Variants in IL3RA observed in about 807,000 individuals in gnomAD.
The protein encoded by IL3RA is interleukin 3 receptor subunit alpha.
Under a neutral mutation model 52.3 loss-of-function variants are expected in IL3RA, and 73 were observed. That is an observed-to-expected ratio of 1.40 (90% CI 1.16 to 1.70). The LOEUF is 1.70. Among genes scored for constraint, IL3RA ranks in the 40% most tolerant of loss-of-function variants. IL3RA has a pLI of 0.00. For missense variants in IL3RA, 664 were observed against 504.4 expected, an observed-to-expected ratio of 1.32 and a Z score of -3.03; for synonymous variants, 260 against 194.0, an observed-to-expected ratio of 1.34 and a Z score of -2.83.
In IL3RA at chrX:1,378,583, C is replaced by A. The variant is rs1411429912; in HGVS notation, c.875-76C>A. The A allele has an allele frequency of 1.0e-5, 13 of 1,272,754 alleles. No homozygotes were observed. In the African/African-American group the frequency reaches 1.5e-4, roughly 14 times the overall value. 78.8% of individuals were successfully genotyped at this position (1,272,754 alleles called of 1,614,324 possible). On this transcript the variant is annotated intron_variant, in intron 9 of 11. Transcript: ENST00000331035. ...GCAGCCACCTCTCTGCTTCCCAGGG[C>A]CCCGGGGAGAGCTTACAGTCCCTGG...
At position 1,352,182 on chromosome X, in the gene IL3RA, C is replaced by T. The variant is rs2086119325; in HGVS notation, c.381C>T (p.Gly127=). ...VDFLSCSWAV[G]PGAPADVQYD... is the part of the protein sequence containing the mutation. ...TCTTGAGCTGCAGCTGGGCGGTAGGCCCGGGGGCCCCCGCGGACGTCCAGT... is the reference window on the plus strand; with the variant it reads ...TCTTGAGCTGCAGCTGGGCGGTAGGTCCGGGGGCCCCCGCGGACGTCCAGT... Residue 127 remains glycine, a synonymous_variant, in exon 5 of 12, where the codon GGC becomes GGT. Coordinates refer to ENST00000331035, the MANE Select transcript of IL3RA (RefSeq NM_002183.4). 3 of 1,613,730 alleles carry T rather than the reference C, an allele frequency of 1.9e-6. No homozygotes were observed. Among genetic ancestry groups the T allele is most frequent in the Non-Finnish European group, 2.5e-6 (3 of 1,179,814 alleles).
chrX:1,358,725 C>A (rs1332709580), intron 7 of IL3RA, 136 bp from the exon 8 acceptor site: 2 of 718,756 alleles, frequency 2.8e-6, no homozygotes, highest in Non-Finnish European at 4.8e-6. Flanking sequence ...TATTTTGCCC[C>A]CACTGCTGCC....
At chrX:1,337,898 A>G (rs1190245670) in intron 1 of IL3RA, among the ~76,000 whole-genome samples, 1 of 150,988 alleles carries the variant, frequency 6.6e-6, no homozygotes. Context: ...GAATGGAGAA[A>G]TATAATGTGG....
At chrX:1,361,113 CTCTG>C (rs1193303771) in intron 8 of IL3RA, among the ~76,000 whole-genome samples, 2 of 83,370 alleles carry the variant, frequency 2.4e-5, no homozygotes, top group Admixed American at 1.2e-4. Context: ...CCCTTCCCCT[CTCTG>C]TCTCTCTCTC....
intron 2 of IL3RA, among the ~76,000 whole-genome samples, chrX:1,342,909 T>G (rs2085547703): frequency 6.6e-6 from 1 of 151,306 alleles, no homozygotes; most frequent in South Asian, 2.1e-4. Flanking sequence ...ACCCCGTCTC[T>G]ACTAAAAATA....
chrX:1,352,154 A>G lies in IL3RA; in HGVS notation c.353A>G (p.Asp118Gly), dbSNP rs1205967577. Residue 118 changes from aspartate to glycine, a missense_variant, in exon 5 of 12, where the codon GAT (aspartate) becomes GGT (glycine). By Grantham distance (94) the Asp-to-Gly change is moderately conservative. Coordinates refer to ENST00000331035, the MANE Select transcript of IL3RA (RefSeq NM_002183.4). ...ENLTCWIHDVDFLSCSWAVGP... is the reference protein window; with the variant it reads ...ENLTCWIHDVGFLSCSWAVGP... ...CTGACCTGCTGGATTCATGACGTGG[A>G]TTTCTTGAGCTGCAGCTGGGCGGTA... 1 of 1,613,748 alleles carries G rather than the reference A, an allele frequency of 6.2e-7. No homozygotes were observed. Among genetic ancestry groups the G allele is most frequent in the South Asian group, 1.1e-5 (1 of 91,074 alleles).
intron 2 of IL3RA, among the ~76,000 whole-genome samples, chrX:1,344,751 T>C (rs113044250): frequency 6.0e-5 from 9 of 150,258 alleles, no homozygotes; most frequent in East Asian, 2.0e-4. Flanking sequence ...CCAGCCTGGG[T>C]GACAAGAGCA....
At chrX:1,379,488 A>T (rs17881393) in intron 10 of IL3RA, among the ~76,000 whole-genome samples, 1,558 of 152,266 alleles carry the variant, frequency 0.01, 23 homozygotes, top group African/African-American at 0.035. Context: ...ACCAGGGGCC[A>T]GGTCCTCTCT....
chrX:1,339,083 A>AC (rs765303952), intron 1 of IL3RA, among the ~76,000 whole-genome samples: 3 of 151,736 alleles, frequency 2.0e-5, no homozygotes, highest in South Asian at 2.1e-4. Flanking sequence ...CAAGCAATCC[A>AC]CCCCCCTCAG....
At chrX:1,377,302 G>T (rs1481153900) in intron 9 of IL3RA, among the ~76,000 whole-genome samples, 1 of 151,928 alleles carries the variant, frequency 6.6e-6, no homozygotes, top group African/African-American at 2.4e-5. Context: ...GTGCAGTGGC[G>T]TGATCTTGGC....
chrX:1,337,299 G>A (rs1217276463), intron 1 of IL3RA, among the ~76,000 whole-genome samples: 3 of 152,188 alleles, frequency 2.0e-5, no homozygotes, highest in African/African-American at 7.2e-5. Flanking sequence ...ATTAGAAAGC[G>A]CTGGTTCAGT....
At position 1,382,512 on chromosome X, in the gene IL3RA, G is replaced by A. The variant is rs747212018; in HGVS notation, c.*47G>A. 48 of 1,563,554 alleles carry A rather than the reference G, an allele frequency of 3.1e-5. No individual in the cohort carries two copies. The highest frequency in any genetic ancestry group is 3.5e-5 in the Non-Finnish European group (40 of 1,134,142). ...GGGGTCTGCCTCAATCTCCCTGGCC[G>A]GGCCAGGCGCCTGCACAGACTGGCT... On this transcript the variant is annotated 3_prime_UTR_variant, in exon 12 of 12. Coordinates refer to ENST00000331035, the MANE Select transcript of IL3RA (RefSeq NM_002183.4).
intron 9 of IL3RA, 99 bp downstream of exon 9, chrX:1,365,351 G>T (rs779050771): frequency 2.0e-6 from 1 of 488,792 alleles, no homozygotes; most frequent in Non-Finnish European, 3.0e-6. Context: ...GGGTGAGCGG[G>T]GTGAGCGGGG....
chrX:1,363,774 C>T (rs1218393250), intron 8 of IL3RA, among the ~76,000 whole-genome samples: 2 of 152,070 alleles, frequency 1.3e-5, no homozygotes, highest in Admixed American at 6.6e-5. Flanking sequence ...CGCTAGAGTG[C>T]AGTGGCACAG....
intron 1 of IL3RA, among the ~76,000 whole-genome samples, chrX:1,339,975 A>T (rs1603442494): frequency 6.6e-6 from 1 of 151,968 alleles, no homozygotes; most frequent in Admixed American, 6.6e-5. Flanking sequence ...TGATTTCATC[A>T]TTGTAATTAT....
At chrX:1,341,904 C>A in intron 2 of IL3RA, 75 bp downstream of exon 2, 3 of 1,494,980 alleles carry the variant, frequency 2.0e-6, no homozygotes, top group Non-Finnish European at 2.8e-6. Context: ...GTCAGCGTGC[C>A]GTCCTTCAGG....
At chrX:1,378,906 G>A (rs1268211505) in intron 10 of IL3RA, 142 bp downstream of exon 10, 5 of 795,622 alleles carry the variant, frequency 6.3e-6, no homozygotes, top group East Asian at 5.4e-5. Context: ...GCAGTGGCAC[G>A]ATCTGGGCTC....
At position 1,358,979 on chromosome X, in the gene IL3RA, ATTC is replaced by A; in HGVS notation, c.759+95_759+97del. 5 of 858,662 alleles carry A rather than the reference ATTC, an allele frequency of 5.8e-6. No homozygotes were observed. The South Asian group carries it at 1.8e-4, about 32-fold the overall frequency. 53.2% of individuals were successfully genotyped at this position (858,662 alleles called of 1,614,324 possible). A position where few individuals can be genotyped will look rare whatever the true frequency, so the allele number is the denominator to read the frequency against. ...AATAAAATGATAAAAAATATTAATA[ATTC>A]TTATTAATAAAATAATGAAAATATT... is the stretch of plus-strand genomic sequence containing the variant. On this transcript the variant is annotated intron_variant, in intron 8 of 11. Transcript: ENST00000331035.
At chrX:1,377,530 A>T (rs1343694155) in intron 9 of IL3RA, among the ~76,000 whole-genome samples, 3 of 152,066 alleles carry the variant, frequency 2.0e-5, no homozygotes, top group Non-Finnish European at 4.4e-5. Context: ...GGCGTGAGCC[A>T]CCGCGCCCGG....
Sources: gnomAD v4.1 joint callset for allele counts (sites outside exome capture counted in the v4.1 genomes callset) on GRCh38, gnomAD v4.1.1 for gene constraint, MANE v1.5 for transcripts, NCBI Gene and HGNC (gene_info 2026-07-23, HGNC 2026-07-21) for gene names.